Variants in KYAT1 observed in about 807,000 individuals in gnomAD.
KYAT1 encodes the protein kynurenine--oxoglutarate transaminase 1.
In KYAT1, 47 loss-of-function variants were observed where a neutral mutation model predicts 52.4. The observed-to-expected ratio is 0.90, with a 90% CI of 0.71 to 1.14. KYAT1 has a LOEUF of 1.14. Ranked by LOEUF, KYAT1 falls within the 50% of genes most tolerant of loss-of-function variation. The pLI is 0.00. For missense variants in KYAT1, 480 were observed against 557.9 expected (o/e 0.86, Z 1.41); for synonymous variants, 212 against 209.6 (o/e 1.01, Z -0.10).
intron 1 of KYAT1, among the ~76,000 whole-genome samples, chr9:128,864,388 T>C (rs1047626349): frequency 6.0e-5 from 8 of 133,310 alleles, no homozygotes; most frequent in African/African-American, 1.9e-4. Flanking sequence ...AAAAAAAAAG[T>C]TTTTCATTTA....
chr9:128,845,813 T>C (rs1294852833), intron 1 of KYAT1, among the ~76,000 whole-genome samples: 5 of 152,160 alleles, frequency 3.3e-5, no homozygotes, highest in African/African-American at 1.2e-4. Context: ...ATGGCAACAG[T>C]GACAGCAGCA....
At chr9:128,849,360 G>A (rs1343891093) in intron 1 of KYAT1, among the ~76,000 whole-genome samples, 6 of 128,944 alleles carry the variant, frequency 4.7e-5, no homozygotes, top group Non-Finnish European at 6.3e-5. Context: ...GCAGTGAGCC[G>A]AGATCACACC....
Position 128,846,732 on chromosome 9 carries a change from C to T in KYAT1, c.-6-1321G>A, listed in dbSNP as rs539296084. On this transcript the variant is annotated intron_variant, in intron 1 of 12. Transcript: ENST00000302586. ...TTTGGCTCCTCCTGTCCTCAGAATC[C>T]CTTCAGCAGCAGGGACCTCACATGG... 5 of 1,535,526 alleles carry T rather than the reference C, an allele frequency of 3.3e-6. No homozygotes were observed. In the South Asian group the frequency reaches 3.6e-5, roughly 11 times the overall value.
intron 3 of KYAT1, among the ~76,000 whole-genome samples, chr9:128,841,703 A>G (rs1213209649): frequency 6.6e-6 from 1 of 150,838 alleles, no homozygotes; most frequent in East Asian, 2.0e-4. Flanking sequence ...TCAAAAAAAA[A>G]AAAAAAAAAA....
chr9:128,857,917 C>G (rs534360512), intron 1 of KYAT1, among the ~76,000 whole-genome samples: 1 of 152,306 alleles, frequency 6.6e-6, no homozygotes, highest in East Asian at 1.9e-4. Context: ...GAATAAATCT[C>G]TGTGACCTTG....
intron 1 of KYAT1, chr9:128,846,861 T>C (rs891296678): frequency 5.9e-6 from 9 of 1,534,862 alleles, no homozygotes; most frequent in Non-Finnish European, 7.9e-6. Context: ...AGCCACCTGC[T>C]GTGGTCAATA....
intron 1 of KYAT1, among the ~76,000 whole-genome samples, chr9:128,847,203 G>A (rs1833236902): frequency 6.6e-6 from 1 of 152,196 alleles, no homozygotes; most frequent in South Asian, 2.1e-4. Context: ...GATGGGCACA[G>A]GGGATCATGG....
chr9:128,833,222 T>C lies in KYAT1; in HGVS notation c.*362A>G. ...CAAGATGAGCCAGGGAAGGTGAGGT[T>C]ATACCTGAGCCTTAGCAGGGGCCAT... On this transcript the variant is annotated 3_prime_UTR_variant, in exon 13 of 13. Transcript: ENST00000302586. 2.8e-6 allele frequency: 1 copy of C among 359,862 alleles called. No homozygotes were observed. Among genetic ancestry groups the C allele is most frequent in the Non-Finnish European group, 5.1e-6 (1 of 194,516 alleles). The allele number at this position is 359,862 out of a possible 1,614,324, so 22.3% of individuals were successfully genotyped here.
chr9:128,833,936 C>T, intron 11 of KYAT1, 110 bp from the exon 12 acceptor site: 2 of 775,398 alleles, frequency 2.6e-6, no homozygotes, highest in East Asian at 2.6e-5. Context: ...GAGTTAGCTC[C>T]AATCCAGCAC....
At position 128,835,806 on chromosome 9, in the gene KYAT1, G is replaced by A. The variant is rs750569862; in HGVS notation, c.828C>T (p.Ser276=). 7.4e-6 allele frequency: 12 copies of A among 1,613,522 alleles called. No individual in the cohort carries two copies. In the East Asian group the frequency reaches 1.3e-4, roughly 18 times the overall value. ...GGCTCTGCGTGGGGCAGTGGAAGAC[G>A]GAGTTCTGGTGCACGGTCCGCAGGT... The part of the protein sequence containing the change: ...MKHLRTVHQN[S]VFHCPTQSQA... The change falls in exon 9 of 13, where the codon TCC becomes TCT. Residue 276 remains serine (S), a synonymous_variant. Transcript: ENST00000302586.
chr9:128,843,390 T>TC (rs1422471774), intron 2 of KYAT1, among the ~76,000 whole-genome samples: 1 of 151,552 alleles, frequency 6.6e-6, no homozygotes, highest in Admixed American at 6.6e-5. Flanking sequence ...ATCTTTTTTT[T>TC]TTTTTTTTGA....
chr9:128,836,981 C>T (rs1174742014), intron 6 of KYAT1, 59 bp from the exon 7 acceptor site: 8 of 1,583,096 alleles, frequency 5.1e-6, no homozygotes, highest in South Asian at 1.1e-5. Flanking sequence ...AACACAGAGG[C>T]CTACTCAGAG....
At chr9:128,874,722 C>CT (rs201788280) in intron 1 of KYAT1, among the ~76,000 whole-genome samples, 1,714 of 123,634 alleles carry the variant, frequency 0.014, 47 homozygotes, top group Non-Finnish European at 0.018. Context: ...ATAATCCTGC[C>CT]TTTTTTTTTT....
At chr9:128,850,040 A>G (rs1833738377) in intron 1 of KYAT1, among the ~76,000 whole-genome samples, 1 of 151,592 alleles carries the variant, frequency 6.6e-6, no homozygotes. Flanking sequence ...GTGTGCCACC[A>G]TGCCTGGCTA....
Position 128,858,433 on chromosome 9 carries a change from C to T in KYAT1, c.-6-13022G>A, listed in dbSNP as rs551820435. Among the ~76,000 whole-genome samples the T allele has an allele frequency of 1.9e-4, 21 of 110,404 alleles. 1 individual carries two copies. Among genetic ancestry groups the T allele is most frequent in the East Asian group, 1.5e-3 (5 of 3,314 alleles). The allele number at this position is 110,404 out of a possible 152,430, so 72.4% of individuals were successfully genotyped here. ...AAAAAAAAGCCCGGGCATGGTGGCT[C>T]ATACCTGTAATCACAGCACTTTGGG... On this transcript the variant is annotated intron_variant, in intron 1 of 12. Transcript: ENST00000302586.
chr9:128,842,647 G>A lies in KYAT1; in HGVS notation c.201+7C>T, dbSNP rs1387238134. On this transcript the variant is annotated splice_region_variant and intron_variant, in intron 3 of 12. Coordinates refer to ENST00000302586, the MANE Select transcript of KYAT1 (RefSeq NM_004059.5). The stretch of plus-strand genomic sequence containing the variant: ...CCAGTGCCTCCACGAGAGATGGGGA[G>A]ACTCACAAATGTCTTGGTGTACTGG... 6.2e-7 allele frequency: 1 copy of A among 1,612,170 alleles called. No homozygotes were observed. The highest frequency in any genetic ancestry group is 8.5e-7 in the Non-Finnish European group (1 of 1,178,626).
chr9:128,856,568 T>G (rs566500198), intron 1 of KYAT1, among the ~76,000 whole-genome samples: 6 of 152,216 alleles, frequency 3.9e-5, no homozygotes, highest in Admixed American at 1.3e-4. Flanking sequence ...TGTTGTTAAT[T>G]TGTAACTTTG....
Position 128,835,671 on chromosome 9 carries a change from G to A in KYAT1, c.856-4C>T. The A allele has an allele frequency of 6.2e-7, 1 of 1,609,158 alleles. No homozygotes were observed. Among genetic ancestry groups the A allele is most frequent in the Non-Finnish European group, 8.5e-7 (1 of 1,179,446 alleles). The stretch of plus-strand genomic sequence containing the variant: ...CAAAGCTCTCGGCTACTGCAGCCTG[G>A]GCAGGGCAGATGGACACACAGATAG... On this transcript the variant is annotated splice_polypyrimidine_tract_variant and splice_region_variant and intron_variant, in intron 9 of 12. Coordinates refer to ENST00000302586, the MANE Select transcript of KYAT1 (RefSeq NM_004059.5).
rs748435563 is a variant in KYAT1 at position 128,837,679 on chromosome 9, C to T, written c.567+6G>A. Reference sequence around the variant, plus strand: ...AGGGGGCCAGGGAAGGAGGTCCCTCCAGTACCTTGCCCAGGGGGTTGTTGG... The same window carrying T: ...AGGGGGCCAGGGAAGGAGGTCCCTCTAGTACCTTGCCCAGGGGGTTGTTGG... On this transcript the variant is annotated splice_donor_region_variant and intron_variant, in intron 6 of 12. Coordinates refer to ENST00000302586, the MANE Select transcript of KYAT1 (RefSeq NM_004059.5). 7.4e-6 allele frequency: 12 copies of T among 1,614,116 alleles called. No homozygotes were observed. Among genetic ancestry groups the T allele is most frequent in the South Asian group, 2.2e-5 (2 of 91,080 alleles).
Sources: allele counts gnomAD v4.1 joint callset (sites outside exome capture counted in the v4.1 genomes callset), GRCh38; gene constraint gnomAD v4.1.1; transcripts MANE v1.5; gene names NCBI Gene and HGNC (gene_info 2026-07-23, HGNC 2026-07-21).